The following MACROD2 variants were observed in gnomAD, a reference collection of about 807,000 sequenced individuals.
The protein encoded by MACROD2 is ADP-ribose glycohydrolase MACROD2.
A neutral mutation model predicts 70.4 loss-of-function variants in MACROD2; 36 were observed. The observed-to-expected ratio is 0.51, with a 90% confidence interval of 0.39 to 0.68. The LOEUF (loss-of-function observed/expected upper bound fraction) is 0.68. Among genes scored for constraint, MACROD2 ranks in the 30% least tolerant of loss-of-function variants. The probability of loss-of-function intolerance (pLI) is 0.00; values close to 1 mark genes in which losing one functional copy is unlikely to be tolerated. For missense variants in MACROD2, 496 were observed against 538.4 expected (o/e 0.92, Z 0.78); for synonymous variants, 172 against 178.8 (o/e 0.96, Z 0.30).
At chr20:15,383,874 A>G (rs981633349) in intron 6 of MACROD2, among the ~76,000 whole-genome samples, 1 of 152,068 alleles carries the variant, frequency 6.6e-6, no homozygotes, top group Non-Finnish European at 1.5e-5. Context: ...TATTTTTTTA[A>G]TTAATACTTC....
intron 6 of MACROD2, among the ~76,000 whole-genome samples, chr20:15,248,606 T>C (rs937273846): frequency 1.3e-5 from 2 of 152,168 alleles, no homozygotes; most frequent in Non-Finnish European, 2.9e-5. Flanking sequence ...TTGATCTCCA[T>C]TACTGAATAT....
chr20:15,957,460 A>C (rs909852078), intron 12 of MACROD2, among the ~76,000 whole-genome samples: 1 of 152,160 alleles, frequency 6.6e-6, no homozygotes, highest in Non-Finnish European at 1.5e-5. Context: ...ATACGTCTCT[A>C]GGTTGGAGCA....
intron 3 of MACROD2, among the ~76,000 whole-genome samples, chr20:14,091,271 C>T (rs1230659184): frequency 6.6e-6 from 1 of 151,978 alleles, no homozygotes; most frequent in Non-Finnish European, 1.5e-5. Flanking sequence ...TCTGTTTTTG[C>T]TTTCATTGCC....
rs2047357084 is a variant in MACROD2, at chr20:15,500,959, T to C, written c.645+1112T>C. The stretch of plus-strand genomic sequence containing the variant: ...GCTAAAATAGCCAGCTTACAAAACA[T>C]GTCTTTGACACATTTTATTTTCTTT... On this transcript the variant is annotated intron_variant, in intron 8 of 17. Transcript: ENST00000684519. Among the ~76,000 whole-genome samples, 5 of 152,330 alleles carry C rather than the reference T, an allele frequency of 3.3e-5. No homozygotes were observed. The South Asian group carries it at 1.0e-3, about 32-fold the overall frequency.
At chr20:14,719,489 A>T (rs922538034) in intron 5 of MACROD2, among the ~76,000 whole-genome samples, 1 of 148,712 alleles carries the variant, frequency 6.7e-6, no homozygotes, top group African/African-American at 2.5e-5. Flanking sequence ...AAAAAAAAAG[A>T]AAGAAAGAAA....
intron 5 of MACROD2, among the ~76,000 whole-genome samples, chr20:15,042,243 A>G (rs2075361692): frequency 6.6e-6 from 1 of 152,210 alleles, no homozygotes; most frequent in Non-Finnish European, 1.5e-5. Flanking sequence ...GGGAAAATGC[A>G]GGAAAAAAAA....
chr20:14,589,034 G>A (rs904997331), intron 4 of MACROD2, among the ~76,000 whole-genome samples: 1 of 152,072 alleles, frequency 6.6e-6, no homozygotes, highest in African/African-American at 2.4e-5. Context: ...CAGAAAAAAA[G>A]TGTCCTGTAT....
chr20:14,014,187 G>A (rs1277502386), intron 2 of MACROD2, among the ~76,000 whole-genome samples: 3 of 152,100 alleles, frequency 2.0e-5, no homozygotes, highest in Non-Finnish European at 4.4e-5. Context: ...TTACAGATTG[G>A]TGGTAGCCAG....
At chr20:15,300,889 C>T (rs570871568) in intron 6 of MACROD2, among the ~76,000 whole-genome samples, 5 of 152,258 alleles carry the variant, frequency 3.3e-5, no homozygotes, top group East Asian at 3.9e-4. Flanking sequence ...GCTGAAGACC[C>T]GGATGGAATG....
chr20:14,364,602 C>T (rs1460863314), intron 3 of MACROD2, among the ~76,000 whole-genome samples: 6 of 152,170 alleles, frequency 3.9e-5, no homozygotes, highest in Non-Finnish European at 8.8e-5. Flanking sequence ...TCCCTATTTT[C>T]CCTGGTCCCT....
intron 5 of MACROD2, among the ~76,000 whole-genome samples, chr20:14,744,339 G>A (rs552683284): frequency 1.1e-4 from 16 of 152,168 alleles, no homozygotes; most frequent in African/African-American, 3.1e-4. Context: ...TTTAATTGAC[G>A]TATAAAATTG....
intron 8 of MACROD2, among the ~76,000 whole-genome samples, chr20:15,684,551 T>C (rs1348190901): frequency 6.6e-6 from 1 of 151,542 alleles, no homozygotes; most frequent in Non-Finnish European, 1.5e-5. Context: ...AAAATGGACA[T>C]TTATTCTGAT....
intron 6 of MACROD2, among the ~76,000 whole-genome samples, chr20:15,389,469 C>T (rs974485324): frequency 6.6e-6 from 1 of 152,144 alleles, no homozygotes; most frequent in Non-Finnish European, 1.5e-5. Context: ...CCTCTGAAAC[C>T]GTTGAAGCCT....
At chr20:15,379,828 A>G (rs1042858412) in intron 6 of MACROD2, among the ~76,000 whole-genome samples, 2 of 152,200 alleles carry the variant, frequency 1.3e-5, no homozygotes, top group African/African-American at 4.8e-5. Flanking sequence ...ACATTAGATT[A>G]TGTCACTCCC....
chr20:14,275,865 A>G lies in MACROD2; in HGVS notation c.271+190137A>G, dbSNP rs1301786066. Among the ~76,000 whole-genome samples the G allele has an allele frequency of 2.0e-5, 3 of 152,318 alleles. No individual in the cohort carries two copies. The East Asian group carries it at 5.8e-4, about 29-fold the overall frequency. The stretch of plus-strand genomic sequence containing the variant: ...AAGAAGACATTTATGCAGCCAAAAA[A>G]CACATGAAAAAATGCTCACCATCAC... On this transcript the variant is annotated intron_variant, in intron 3 of 17. Coordinates refer to ENST00000684519, the MANE Select transcript of MACROD2 (RefSeq NM_001351661.2).
chr20:14,698,962 A>G (rs1338432553), intron 5 of MACROD2, among the ~76,000 whole-genome samples: 4 of 152,084 alleles, frequency 2.6e-5, no homozygotes, highest in Non-Finnish European at 1.5e-5. Flanking sequence ...ACATATGGTA[A>G]GGTCAAGCTC....
intron 6 of MACROD2, among the ~76,000 whole-genome samples, chr20:15,323,202 T>C (rs2077891403): frequency 6.6e-6 from 1 of 152,202 alleles, no homozygotes; most frequent in African/African-American, 2.4e-5. Flanking sequence ...GCCAAATTTT[T>C]TGGCAGCTGG....
chr20:14,827,218 G>A (rs2072911725), intron 5 of MACROD2, among the ~76,000 whole-genome samples: 1 of 152,058 alleles, frequency 6.6e-6, no homozygotes, highest in African/African-American at 2.4e-5. Flanking sequence ...AATTAGGTTG[G>A]CATCAAATGA....
chr20:14,369,553 CT>C (rs1355827638), intron 3 of MACROD2, among the ~76,000 whole-genome samples: 4 of 152,180 alleles, frequency 2.6e-5, no homozygotes, highest in Non-Finnish European at 4.4e-5. Context: ...GATTCTGACA[CT>C]TTTGCTTGAT....
Sources: allele counts gnomAD v4.1 joint callset (sites outside exome capture counted in the v4.1 genomes callset), GRCh38; gene constraint gnomAD v4.1.1; transcripts MANE v1.5; gene names NCBI Gene and HGNC (gene_info 2026-07-23, HGNC 2026-07-21).